The following PDE4D variants were observed in gnomAD, a reference collection of about 807,000 sequenced individuals.
PDE4D encodes the protein 3',5'-cyclic-AMP phosphodiesterase 4D.
Under a neutral mutation model 87.4 loss-of-function variants are expected in PDE4D, and 24 were observed. The ratio of observed to expected loss-of-function variants is 0.27; its 90% CI spans 0.20 to 0.39. The LOEUF is 0.39. PDE4D is among the 10% of genes least tolerant of loss of function. The pLI is 1.00. For missense variants in PDE4D, 714 were observed against 1,041.0 expected (o/e 0.69, Z 4.32); for synonymous variants, 384 against 383.2 (o/e 1.00, Z -0.02).
intron 1 of PDE4D, among the ~76,000 whole-genome samples, chr5:60,282,208 C>CATATAT (rs140298004): frequency 0.011 from 1,381 of 128,282 alleles, 15 homozygotes; most frequent in East Asian, 0.029. Flanking sequence ...GAGAAATAAA[C>CATATAT]ATATATATAT....
Position 59,932,080 on chromosome 5 carries a change from A to G in PDE4D, c.272+56408T>C, listed in dbSNP as rs145013127. ...GCACATATGCCTTTCTGATCCTGCC[A>G]TACACTCTAAACAGCATTAAAAGGT... On this transcript the variant is annotated intron_variant, in intron 3 of 16. Transcript: ENST00000502484. 3.3e-4 allele frequency among the ~76,000 whole-genome samples: 51 copies of G among 152,324 alleles called. 2 individuals are homozygous for G. The highest frequency in any genetic ancestry group is 1.2e-3 in the African/African-American group (50 of 41,574).
intron 1 of PDE4D, among the ~76,000 whole-genome samples, chr5:59,796,576 G>T (rs112049729): frequency 1.3e-5 from 2 of 152,190 alleles, no homozygotes; most frequent in Admixed American, 1.3e-4. Flanking sequence ...CACACACAGT[G>T]ACTATTAACT....
At chr5:59,719,598 A>G (rs1487484738) in intron 1 of PDE4D, among the ~76,000 whole-genome samples, 1 of 152,156 alleles carries the variant, frequency 6.6e-6, no homozygotes, top group Non-Finnish European at 1.5e-5. Context: ...CTACCATTGC[A>G]TGTATCTCAC....
intron 1 of PDE4D, among the ~76,000 whole-genome samples, chr5:59,421,004 T>C (rs1794404531): frequency 6.6e-6 from 1 of 152,212 alleles, no homozygotes; most frequent in African/African-American, 2.4e-5. Flanking sequence ...TGTTTGTGTA[T>C]TTCTAACTTT....
intron 1 of PDE4D, among the ~76,000 whole-genome samples, chr5:60,427,278 A>G (rs1042334977): frequency 6.6e-6 from 1 of 152,230 alleles, no homozygotes; most frequent in Non-Finnish European, 1.5e-5. Context: ...AGCACATCCA[A>G]GATAAAGAGG....
At chr5:59,819,279 C>CT (rs200769346) in intron 1 of PDE4D, among the ~76,000 whole-genome samples, 2,593 of 152,280 alleles carry the variant, frequency 0.017, 35 homozygotes, top group South Asian at 0.051. Context: ...GTATTCTCGC[C>CT]TTCTCAACGC....
chr5:59,127,262 A>G (rs2153449050), intron 5 of PDE4D, among the ~76,000 whole-genome samples: 1 of 152,234 alleles, frequency 6.6e-6, no homozygotes, highest in East Asian at 1.9e-4. Flanking sequence ...CTCCCTTGTA[A>G]TCTCTTCATC....
chr5:59,094,216 C>CAAA lies in PDE4D; in HGVS notation c.809-55248_809-55246dup, dbSNP rs1164383460. 6.5e-3 allele frequency among the ~76,000 whole-genome samples: 94 copies of CAAA among 14,556 alleles called. 23 individuals carry two copies. The highest frequency in any genetic ancestry group is 0.041 in the East Asian group (28 of 676). The allele number at this position is 14,556 out of a possible 152,430, so 9.5% of individuals were successfully genotyped here. On this transcript the variant is annotated intron_variant, in intron 5 of 14. Transcript: ENST00000340635. The stretch of plus-strand genomic sequence containing the variant: ...CTGGTGACAGAGCAAGACTCCGTCT[C>CAAA]AAAAAAAAAAAAAAAAAAAAAAAAA...
intron 5 of PDE4D, among the ~76,000 whole-genome samples, chr5:59,053,362 TACACACAC>T (rs57805618): frequency 0.13 from 18,555 of 142,034 alleles, 1,545 homozygotes; most frequent in African/African-American, 0.24. Flanking sequence ...TGGGTGTACA[TACACACAC>T]ACACACACAC....
At chr5:59,800,986 AT>A (rs1249560475) in intron 1 of PDE4D, among the ~76,000 whole-genome samples, 1 of 151,928 alleles carries the variant, frequency 6.6e-6, no homozygotes, top group Non-Finnish European at 1.5e-5. Context: ...CATTTTTTTA[AT>A]TTTTTTTCAA....
intron 2 of PDE4D, chr5:60,147,739 G>A (rs1781137011): frequency 2.2e-6 from 1 of 454,906 alleles, no homozygotes; most frequent in South Asian, 1.6e-5. Context: ...CACTTCTCGA[G>A]TCACTCACAT....
At chr5:59,043,334 T>C (rs944714326) in intron 5 of PDE4D, among the ~76,000 whole-genome samples, 6 of 152,254 alleles carry the variant, frequency 3.9e-5, no homozygotes, top group Admixed American at 2.6e-4. Flanking sequence ...CCATCCTGGC[T>C]AACACAGTGA....
chr5:59,585,163 G>A (rs1035320644), intron 1 of PDE4D, among the ~76,000 whole-genome samples: 3 of 152,114 alleles, frequency 2.0e-5, no homozygotes, highest in Admixed American at 1.3e-4. Context: ...CCACAGCATC[G>A]ACTCTGGATG....
Position 59,130,113 on chromosome 5 carries a change from CTTTA to C in PDE4D, c.808+50478_808+50481del, listed in dbSNP as rs879283865. On this transcript the variant is annotated intron_variant, in intron 5 of 14. Transcript: ENST00000340635. ...CACTAAAATTGGAAGGACAATATTTCTTTAAAGAATTTTTCTAGTGAAAAGCTAA... is the reference window on the plus strand; with the variant it reads ...CACTAAAATTGGAAGGACAATATTTCAAGAATTTTTCTAGTGAAAAGCTAA... 7.5e-3 allele frequency among the ~76,000 whole-genome samples: 1,137 copies of C among 152,244 alleles called. 14 individuals are homozygous for C. The highest frequency in any genetic ancestry group is 8.7e-3 in the Non-Finnish European group (594 of 68,004).
At chr5:59,969,736 T>C (rs1005248373) in intron 3 of PDE4D, among the ~76,000 whole-genome samples, 3 of 152,122 alleles carry the variant, frequency 2.0e-5, no homozygotes, top group Non-Finnish European at 4.4e-5. Context: ...TTATAGAGGC[T>C]TTTCCCCACT....
At chr5:60,067,262 G>T (rs1772205630) in intron 2 of PDE4D, among the ~76,000 whole-genome samples, 1 of 152,030 alleles carries the variant, frequency 6.6e-6, no homozygotes, top group Non-Finnish European at 1.5e-5. Flanking sequence ...AATTGATATG[G>T]TAGATGAGAA....
chr5:60,341,216 C>T (rs973854306), intron 1 of PDE4D, among the ~76,000 whole-genome samples: 7 of 152,136 alleles, frequency 4.6e-5, no homozygotes, highest in Admixed American at 4.6e-4. Flanking sequence ...GATCATTAAA[C>T]CCCTATTGCA....
chr5:59,259,030 T>A (rs1029313589), intron 1 of PDE4D, among the ~76,000 whole-genome samples: 2 of 151,886 alleles, frequency 1.3e-5, no homozygotes, highest in Non-Finnish European at 2.9e-5. Flanking sequence ...TTGTGAGAGA[T>A]CATATACATG....
At chr5:59,359,191 A>ATTACT (rs1365520975) in intron 1 of PDE4D, among the ~76,000 whole-genome samples, 1 of 152,164 alleles carries the variant, frequency 6.6e-6, no homozygotes, top group African/African-American at 2.4e-5. Context: ...TGTCTTTTTC[A>ATTACT]TTACTGTCAA....
Sources: allele counts gnomAD v4.1 joint callset (sites outside exome capture counted in the v4.1 genomes callset), GRCh38; gene constraint gnomAD v4.1.1; transcripts MANE v1.5; gene names NCBI Gene and HGNC (gene_info 2026-07-23, HGNC 2026-07-21).